Variants in MCTP1 observed in about 807,000 individuals in gnomAD.
MCTP1 encodes the protein multiple C2 and transmembrane domain containing 1, also known as multiple C2 and transmembrane domain-containing protein 1.
Under a neutral mutation model 120.6 loss-of-function variants are expected in MCTP1, and 69 were observed. The ratio of observed to expected loss-of-function variants is 0.57; its 90% CI spans 0.47 to 0.70. MCTP1 has a LOEUF of 0.70. MCTP1 is among the 30% of genes least tolerant of loss of function. The pLI, the probability that MCTP1 is intolerant of heterozygous loss-of-function variation, is 0.00. For missense variants in MCTP1, 1,203 were observed against 1,248.8 expected (o/e 0.96, Z 0.55); for synonymous variants, 529 against 493.1 (o/e 1.07, Z -0.96).
chr5:95,172,908 A>G (rs936239482), intron 1 of MCTP1, among the ~76,000 whole-genome samples: 3 of 152,184 alleles, frequency 2.0e-5, no homozygotes, highest in African/African-American at 4.8e-5. Flanking sequence ...AACAATAAGT[A>G]TATGCATTCA....
chr5:94,719,248 T>G (rs1760284026), intron 19 of MCTP1, among the ~76,000 whole-genome samples: 1 of 152,252 alleles, frequency 6.6e-6, no homozygotes, highest in Non-Finnish European at 1.5e-5. Flanking sequence ...GAAGACAGTG[T>G]GGTGATTCCT....
intron 17 of MCTP1, among the ~76,000 whole-genome samples, chr5:94,844,998 T>C (rs1791993748): frequency 1.3e-5 from 2 of 152,164 alleles, no homozygotes; most frequent in African/African-American, 4.8e-5. Context: ...ACTAAAGAGC[T>C]TCTGCACAAC....
At chr5:95,230,286 C>T (rs1754788892) in intron 1 of MCTP1, among the ~76,000 whole-genome samples, 2 of 151,676 alleles carry the variant, frequency 1.3e-5, no homozygotes, top group Admixed American at 6.6e-5. Context: ...ATTTAACCCT[C>T]ATAACAATCC....
intron 6 of MCTP1, among the ~76,000 whole-genome samples, chr5:94,925,470 G>T (rs893161357): frequency 1.3e-5 from 2 of 151,818 alleles, no homozygotes; most frequent in African/African-American, 4.8e-5. Flanking sequence ...GTGCAGTGGC[G>T]CAATCTCGGC....
At chr5:95,245,418 T>C (rs1289317903) in intron 1 of MCTP1, among the ~76,000 whole-genome samples, 1 of 152,036 alleles carries the variant, frequency 6.6e-6, no homozygotes, top group African/African-American at 2.4e-5. Flanking sequence ...GCAAGGAAAC[T>C]AAAAACCTTG....
chr5:94,799,133 C>G lies in MCTP1; in HGVS notation c.2437-1G>C. 1 of 1,610,606 alleles carries G rather than the reference C, an allele frequency of 6.2e-7. No homozygotes were observed. The highest frequency in any genetic ancestry group is 8.5e-7 in the Non-Finnish European group (1 of 1,178,058). On this transcript the variant is annotated splice_acceptor_variant, in intron 17 of 22. Coordinates refer to ENST00000515393, the MANE Select transcript of MCTP1 (RefSeq NM_024717.7). LOFTEE classifies it high-confidence loss of function. ...AGTTCCAGACAACAAAGAGAAAGAG[C>G]TGGAGGAGATAGAAGAGAGAAGAAG...
intron 2 of MCTP1, among the ~76,000 whole-genome samples, chr5:94,982,884 CAAAAAAAAAA>C (rs34561115): frequency 6.6e-4 from 19 of 28,622 alleles, no homozygotes; most frequent in Non-Finnish European, 1.0e-3. Flanking sequence ...CACACTTCAT[CAAAAAAAAAA>C]AAAAAAAAAA....
intron 1 of MCTP1, among the ~76,000 whole-genome samples, chr5:95,126,991 G>T (rs551872251): frequency 6.6e-6 from 1 of 152,248 alleles, no homozygotes; most frequent in Admixed American, 6.5e-5. Context: ...AGCTCTCCGT[G>T]TTACTGAAGG....
intron 1 of MCTP1, among the ~76,000 whole-genome samples, chr5:95,245,488 T>G (rs1369464193): frequency 1.3e-5 from 2 of 152,140 alleles, no homozygotes; most frequent in African/African-American, 4.8e-5. Flanking sequence ...TTAAATGACC[T>G]GATGGAGCTG....
intron 1 of MCTP1, among the ~76,000 whole-genome samples, chr5:95,066,710 G>T (rs181545418): frequency 6.6e-6 from 1 of 152,280 alleles, no homozygotes; most frequent in East Asian, 1.9e-4. Flanking sequence ...GACAAACCTG[G>T]AGGGCATTAT....
chr5:94,892,546 C>T (rs1211123233), intron 11 of MCTP1, among the ~76,000 whole-genome samples: 1 of 152,148 alleles, frequency 6.6e-6, no homozygotes, highest in East Asian at 1.9e-4. Flanking sequence ...TAGCCATCTT[C>T]TCAGAATGTG....
chr5:95,133,461 C>T (rs1381159652), intron 1 of MCTP1, among the ~76,000 whole-genome samples: 5 of 152,190 alleles, frequency 3.3e-5, no homozygotes, highest in African/African-American at 4.8e-5. Flanking sequence ...TGAGACCAGC[C>T]TGGCCAACAT....
chr5:94,822,245 G>A (rs899635035), intron 17 of MCTP1, among the ~76,000 whole-genome samples: 1 of 151,988 alleles, frequency 6.6e-6, no homozygotes, highest in Non-Finnish European at 1.5e-5. Flanking sequence ...GGTGTGTGAT[G>A]TTCCCTCCCT....
chr5:95,274,621 G>A (rs1246076261), intron 1 of MCTP1, among the ~76,000 whole-genome samples: 2 of 40,824 alleles, frequency 4.9e-5, no homozygotes, highest in Non-Finnish European at 8.6e-5. Context: ...TCCAATTACT[G>A]CTTTCTTTTT....
Position 94,868,349 on chromosome 5 carries a change from C to A in MCTP1, c.2420G>T (p.Ser807Ile), listed in dbSNP as rs766758217. ...SCFDWDSPPR[S>I]LAAFVLFLFV... ...TGATCATACCACAAAAGCAGCGAGACTCCTTGGGGGTGAATCCCAATCAAA... is the reference window on the plus strand; with the variant it reads ...TGATCATACCACAAAAGCAGCGAGAATCCTTGGGGGTGAATCCCAATCAAA... The change falls in exon 17 of 23, where the codon AGT (serine) becomes ATT (isoleucine). Residue 807 changes from serine to isoleucine, a missense_variant. Ser to Ile is a moderately radical substitution (Grantham distance 142). Coordinates refer to ENST00000515393, the MANE Select transcript of MCTP1 (RefSeq NM_024717.7). 6.2e-7 allele frequency: 1 copy of A among 1,601,428 alleles called. No homozygotes were observed. Among genetic ancestry groups the A allele is most frequent in the Non-Finnish European group, 8.5e-7 (1 of 1,174,614 alleles).
chr5:94,721,888 A>G (rs1165850712), intron 19 of MCTP1, among the ~76,000 whole-genome samples: 1 of 134,602 alleles, frequency 7.4e-6, no homozygotes, highest in Non-Finnish European at 1.5e-5. Context: ...TTTGAAGGTG[A>G]AAAAAAAAAA....
At chr5:94,915,706 G>A (rs999925931) in intron 8 of MCTP1, among the ~76,000 whole-genome samples, 6 of 151,778 alleles carry the variant, frequency 4.0e-5, no homozygotes, top group African/African-American at 9.7e-5. Context: ...ACATGAACTT[G>A]GCTTACAGAG....
chr5:95,037,874 C>A (rs767259474), intron 1 of MCTP1, among the ~76,000 whole-genome samples: 69 of 152,154 alleles, frequency 4.5e-4, no homozygotes, highest in Non-Finnish European at 8.4e-4. Flanking sequence ...CTCAAAAAAA[C>A]AAAAACAAAA....
chr5:94,971,866 C>T (rs1826969424), intron 2 of MCTP1, among the ~76,000 whole-genome samples: 1 of 152,152 alleles, frequency 6.6e-6, no homozygotes, highest in African/African-American at 2.4e-5. Flanking sequence ...GTTCATTCTA[C>T]TCTAACAAAT....
Sources: gnomAD v4.1 joint callset for allele counts (sites outside exome capture counted in the v4.1 genomes callset) on GRCh38, gnomAD v4.1.1 for gene constraint, MANE v1.5 for transcripts, NCBI Gene and HGNC (gene_info 2026-07-23, HGNC 2026-07-21) for gene names.